Variants in FGF14 observed in about 807,000 individuals in gnomAD.
The protein encoded by FGF14 is fibroblast growth factor homologous factor 4.
In FGF14, 5 loss-of-function variants were observed where a neutral mutation model predicts 25.5. That is an observed-to-expected ratio of 0.20 (90% CI 0.10 to 0.41). FGF14 has a LOEUF of 0.41. Among genes scored for constraint, FGF14 ranks in the 10% least tolerant of loss-of-function variants. FGF14 has a pLI of 1.00. For missense variants in FGF14, 222 were observed against 320.1 expected (o/e 0.69, Z 2.34); for synonymous variants, 138 against 118.3 (o/e 1.17, Z -1.08).
intron 1 of FGF14, among the ~76,000 whole-genome samples, chr13:102,034,301 C>T (rs1273697749): frequency 6.6e-6 from 1 of 152,116 alleles, no homozygotes; most frequent in Non-Finnish European, 1.5e-5. Flanking sequence ...ACAATGTTTT[C>T]TCATTCTGTG....
upstream of FGF14, among the ~76,000 whole-genome samples, chr13:101,917,300 C>A (rs533812854): frequency 5.2e-4 from 79 of 152,224 alleles, no homozygotes; most frequent in African/African-American, 1.8e-3. Flanking sequence ...CCCACTACAC[C>A]CCCTCCACCT....
chr13:102,244,282 G>A (rs750818832), intron 1 of FGF14, among the ~76,000 whole-genome samples: 7 of 151,914 alleles, frequency 4.6e-5, no homozygotes, highest in Non-Finnish European at 8.8e-5. Flanking sequence ...TTGTTGAAAA[G>A]TGTAACTTGC....
At chr13:101,819,324 A>T (rs953556420) in intron 3 of FGF14, among the ~76,000 whole-genome samples, 4 of 152,246 alleles carry the variant, frequency 2.6e-5, no homozygotes, top group Admixed American at 2.6e-4. Context: ...TATTTCTCTT[A>T]TGAAAAATAA....
chr13:102,383,312 T>C (rs142141833), intron 1 of FGF14, among the ~76,000 whole-genome samples: 243 of 152,294 alleles, frequency 1.6e-3, no homozygotes, highest in African/African-American at 5.6e-3. Context: ...TAGTATTCAT[T>C]AGACAAATAT....
chr13:102,191,969 G>C (rs537967416), intron 1 of FGF14, among the ~76,000 whole-genome samples: 4 of 152,182 alleles, frequency 2.6e-5, no homozygotes, highest in Admixed American at 6.6e-5. Flanking sequence ...AATTCCATTA[G>C]CTCTTAAGTC....
At chr13:102,044,773 C>G (rs2041905827) in intron 1 of FGF14, among the ~76,000 whole-genome samples, 4 of 152,178 alleles carry the variant, frequency 2.6e-5, no homozygotes, top group African/African-American at 9.6e-5. Context: ...TATACATCGT[C>G]AGTCCCCCAC....
At chr13:102,163,526 T>C (rs1314319350) in intron 1 of FGF14, among the ~76,000 whole-genome samples, 2 of 152,138 alleles carry the variant, frequency 1.3e-5, no homozygotes, top group East Asian at 1.9e-4. Context: ...TAAGAAATGC[T>C]CTATAACAAG....
chr13:102,143,332 T>C (rs1355316887), intron 1 of FGF14, among the ~76,000 whole-genome samples: 1 of 152,156 alleles, frequency 6.6e-6, no homozygotes, highest in African/African-American at 2.4e-5. Context: ...TTAACCCTTC[T>C]ACTCAGATTT....
At chr13:101,932,642 T>C (rs2034837689) in intron 1 of FGF14, among the ~76,000 whole-genome samples, 1 of 151,406 alleles carries the variant, frequency 6.6e-6, no homozygotes, top group East Asian at 1.9e-4. Flanking sequence ...GAGCCACAAG[T>C]AACTACTGGC....
At chr13:101,987,573 T>C (rs933295672) in intron 1 of FGF14, among the ~76,000 whole-genome samples, 1 of 152,122 alleles carries the variant, frequency 6.6e-6, no homozygotes, top group Admixed American at 6.6e-5. Context: ...ATAATTTATA[T>C]AAGAAAGTTT....
chr13:102,391,345 T>C (rs1438979829), intron 1 of FGF14, among the ~76,000 whole-genome samples: 1 of 152,194 alleles, frequency 6.6e-6, no homozygotes, highest in Non-Finnish European at 1.5e-5. Context: ...ATAGCATTCA[T>C]GTCACAGTTA....
At chr13:101,798,798 TGTATTTGTGA>T (rs1318616038) in intron 3 of FGF14, among the ~76,000 whole-genome samples, 26 of 152,198 alleles carry the variant, frequency 1.7e-4, no homozygotes, top group African/African-American at 6.0e-4. Context: ...AAGTGAAATG[TGTATTTGTGA>T]GTGTTTGTGT....
chr13:102,247,218 A>G (rs1301564333), intron 1 of FGF14, among the ~76,000 whole-genome samples: 1 of 152,188 alleles, frequency 6.6e-6, no homozygotes, highest in African/African-American at 2.4e-5. Flanking sequence ...TCTCAACAAA[A>G]GCAAACCTTG....
intron 1 of FGF14, among the ~76,000 whole-genome samples, chr13:101,923,844 G>C (rs1178033546): frequency 6.6e-6 from 1 of 152,034 alleles, no homozygotes; most frequent in African/African-American, 2.4e-5. Context: ...CTAAAAACTT[G>C]TGAACATTCT....
chr13:102,252,604 T>C (rs1483307082), intron 1 of FGF14, among the ~76,000 whole-genome samples: 1 of 152,178 alleles, frequency 6.6e-6, no homozygotes, highest in Non-Finnish European at 1.5e-5. Flanking sequence ...GCAAATGCTA[T>C]GTAAATAGCT....
In FGF14 at chr13:101,916,673, G is replaced by C. The variant is rs2033537554; in HGVS notation, c.-28C>G. 1 of 1,474,034 alleles carries C rather than the reference G, an allele frequency of 6.8e-7. No homozygotes were observed. The highest frequency in any genetic ancestry group is 9.0e-7 in the Non-Finnish European group (1 of 1,111,500). 91.3% of individuals were successfully genotyped at this position (1,474,034 alleles called of 1,614,324 possible). ...TGGCCCCGGGAACGGGTCCGGGGAG[G>C]GAGGGCGCGGGAGGACGGCGAGCCG... On this transcript the variant is annotated 5_prime_UTR_variant, in exon 1 of 5. Coordinates refer to ENST00000376143, the MANE Select transcript of FGF14 (RefSeq NM_004115.4).
chr13:101,874,148 C>T (rs2045267038), intron 2 of FGF14, among the ~76,000 whole-genome samples: 1 of 151,878 alleles, frequency 6.6e-6, no homozygotes, highest in African/African-American at 2.4e-5. Flanking sequence ...ATCAGTGTTA[C>T]TGGCAATTTG....
At chr13:102,369,799 T>C (rs1029009357) in intron 1 of FGF14, among the ~76,000 whole-genome samples, 4 of 152,188 alleles carry the variant, frequency 2.6e-5, no homozygotes, top group Non-Finnish European at 5.9e-5. Flanking sequence ...TAGTACATTG[T>C]GTTGTATATA....
At chr13:101,893,217 C>T (rs923050531) in intron 1 of FGF14, among the ~76,000 whole-genome samples, 3 of 152,180 alleles carry the variant, frequency 2.0e-5, no homozygotes, top group African/African-American at 7.2e-5. Flanking sequence ...TTTCAAATGG[C>T]TAGTTCCTAT....
Sources: allele counts gnomAD v4.1 joint callset (sites outside exome capture counted in the v4.1 genomes callset), GRCh38; gene constraint gnomAD v4.1.1; transcripts MANE v1.5; gene names NCBI Gene and HGNC (gene_info 2026-07-23, HGNC 2026-07-21).